FAM107B: variants seen among roughly 807,000 people sequenced by gnomAD.
FAM107B encodes the protein protein FAM107B.
In FAM107B, 21 loss-of-function variants were observed where a neutral mutation model predicts 31.5. The ratio of observed to expected loss-of-function variants is 0.67; its 90% CI spans 0.47 to 0.96. The LOEUF (loss-of-function observed/expected upper bound fraction) is 0.96. FAM107B is among the 40% of genes least tolerant of loss of function. The probability of loss-of-function intolerance (pLI) is 0.00; values close to 1 mark genes in which losing one functional copy is unlikely to be tolerated. For missense variants in FAM107B, 452 were observed against 377.1 expected (o/e 1.20, Z -1.64); for synonymous variants, 157 against 141.5 (o/e 1.11, Z -0.78).
rs1855178443 is a variant in FAM107B, at chr10:14,693,004, C to T, written c.412-25313G>A. Among the ~76,000 whole-genome samples, 11 of 152,310 alleles carry T rather than the reference C, an allele frequency of 7.2e-5. 1 individual carries two copies. In the South Asian group the frequency reaches 2.3e-3, roughly 32 times the overall value. ...CAAAAATCGCAGTGATGCGGTCAGC[C>T]TTCACTAGGGTCCTCTGTTACTGCT... On this transcript the variant is annotated intron_variant, in intron 1 of 4. Transcript: ENST00000181796.
intron 2 of FAM107B, among the ~76,000 whole-genome samples, chr10:14,609,997 C>T (rs1280056747): frequency 2.0e-5 from 3 of 152,262 alleles, no homozygotes; most frequent in South Asian, 2.1e-4. Context: ...TCTTCATTGA[C>T]CCCTGATGAC....
At chr10:14,566,112 C>T (rs904455438) in intron 2 of FAM107B, among the ~76,000 whole-genome samples, 1 of 152,188 alleles carries the variant, frequency 6.6e-6, no homozygotes, top group East Asian at 1.9e-4. Context: ...TGTATTTTCA[C>T]TTTGCACTGG....
intron 2 of FAM107B, among the ~76,000 whole-genome samples, chr10:14,533,318 C>T (rs1847233228): frequency 6.6e-6 from 1 of 152,134 alleles, no homozygotes; most frequent in African/African-American, 2.4e-5. Context: ...AAGGACTGGA[C>T]ACGAGGCGTG....
At chr10:14,627,620 T>G (rs556480621) in intron 2 of FAM107B, among the ~76,000 whole-genome samples, 1 of 152,000 alleles carries the variant, frequency 6.6e-6, no homozygotes, top group African/African-American at 2.4e-5. Flanking sequence ...ACAAAGAAAT[T>G]TTAAAAATTA....
chr10:14,547,261 G>A (rs1302479161), intron 2 of FAM107B, among the ~76,000 whole-genome samples: 3 of 152,162 alleles, frequency 2.0e-5, no homozygotes, highest in African/African-American at 4.8e-5. Context: ...CACTAGTAAC[G>A]TATGGCAGAG....
chr10:14,774,449 G>A lies in FAM107B; in HGVS notation c.215C>T (p.Ala72Val), dbSNP rs11259332. The change falls in exon 1 of 5, where the codon GCT becomes GTT. Residue 72 changes from alanine (A) to valine (V), a missense_variant. By Grantham distance (64) the Ala-to-Val change is moderately conservative. Coordinates refer to ENST00000181796, the MANE Select transcript of FAM107B (RefSeq NM_031453.4). ...RQPRHPSAEG[A>V]PEKRQDSSTH... Reference sequence around the variant, plus strand: ...GCTCGAATCTTGCCTTTTCTCTGGAGCTCCTTCTGCGCTTGGGTGTCTTGG... The same window carrying A: ...GCTCGAATCTTGCCTTTTCTCTGGAACTCCTTCTGCGCTTGGGTGTCTTGG... 24,274 of 1,614,178 alleles carry A rather than the reference G, an allele frequency of 0.015. 1,642 individuals carry two copies. In the East Asian group the frequency reaches 0.24, roughly 16 times the overall value.
Position 14,644,748 on chromosome 10 carries a change from G to A in FAM107B, c.469+22886C>T, listed in dbSNP as rs1025398572. Among the ~76,000 whole-genome samples the A allele has an allele frequency of 3.9e-5, 6 of 152,318 alleles. No individual in the cohort carries two copies. The East Asian group carries it at 1.2e-3, about 29-fold the overall frequency. On this transcript the variant is annotated intron_variant, in intron 2 of 4. Transcript: ENST00000181796. Reference sequence around the variant, plus strand: ...GCATTATGAAGAATGCCACACAAATGCAAGTATTGGTATGAGTGTGCTTAC... The same window carrying A: ...GCATTATGAAGAATGCCACACAAATACAAGTATTGGTATGAGTGTGCTTAC...
chr10:14,744,593 A>G (rs563945741), intron 1 of FAM107B, among the ~76,000 whole-genome samples: 1 of 152,220 alleles, frequency 6.6e-6, no homozygotes, highest in East Asian at 1.9e-4. Flanking sequence ...TTCTGTGTCT[A>G]TTGTGATAAT....
At chr10:14,771,296 G>A (rs559613765) in intron 1 of FAM107B, among the ~76,000 whole-genome samples, 8 of 152,290 alleles carry the variant, frequency 5.3e-5, no homozygotes, top group Non-Finnish European at 1.0e-4. Flanking sequence ...AGCTATGGTA[G>A]AAAAGGGTAA....
intron 1 of FAM107B, among the ~76,000 whole-genome samples, chr10:14,691,891 C>CGCAAAAAA (rs765508071): frequency 9.7e-6 from 1 of 103,344 alleles, no homozygotes; most frequent in Non-Finnish European, 1.7e-5. Flanking sequence ...GAGACTCTGT[C>CGCAAAAAA]ACAAAAAAAA....
rs139691117 is a variant in FAM107B, at chr10:14,661,972, A to G, written c.469+5662T>C. Among the ~76,000 whole-genome samples, 537 of 152,278 alleles carry G rather than the reference A, an allele frequency of 3.5e-3. 12 individuals carry two copies. The East Asian group carries it at 0.049, about 14-fold the overall frequency. ...GTAAAGGATCTTTGTTTTAGTCTCT[A>G]TTATCAGAACAGCATCCTGACCACA... On this transcript the variant is annotated intron_variant, in intron 2 of 4. Transcript: ENST00000181796.
intron 1 of FAM107B, among the ~76,000 whole-genome samples, chr10:14,691,756 T>C (rs1386598420): frequency 6.6e-6 from 1 of 151,848 alleles, no homozygotes; most frequent in Non-Finnish European, 1.5e-5. Flanking sequence ...TAGCCAGGCA[T>C]GGTGGCAGGT....
intron 1 of FAM107B, among the ~76,000 whole-genome samples, chr10:14,668,558 G>C (rs1854465567): frequency 6.6e-6 from 1 of 152,206 alleles, no homozygotes. Flanking sequence ...CCGTGACACT[G>C]ATAAAAGTAG....
chr10:14,568,808 G>C (rs940209628), intron 2 of FAM107B, among the ~76,000 whole-genome samples: 1 of 151,184 alleles, frequency 6.6e-6, no homozygotes. Flanking sequence ...GAGAGGGTGG[G>C]GTGGAAGGGG....
At chr10:14,593,831 T>C (rs541464643) in intron 2 of FAM107B, among the ~76,000 whole-genome samples, 1 of 152,332 alleles carries the variant, frequency 6.6e-6, no homozygotes, top group African/African-American at 2.4e-5. Flanking sequence ...AGAACTCCTC[T>C]GCAATACAAA....
At chr10:14,566,708 C>G (rs909350624) in intron 2 of FAM107B, among the ~76,000 whole-genome samples, 21 of 152,294 alleles carry the variant, frequency 1.4e-4, no homozygotes, top group African/African-American at 3.8e-4. Flanking sequence ...AACATGCTCT[C>G]AAAATGTTTC....
intron 2 of FAM107B, among the ~76,000 whole-genome samples, chr10:14,629,315 TA>T (rs1163572862): frequency 1.6e-4 from 15 of 95,840 alleles, no homozygotes; most frequent in East Asian, 3.9e-4. Context: ...ATAATATATA[TA>T]ATATATAAAT....
At chr10:14,560,486 G>A (rs1850147249) in intron 2 of FAM107B, among the ~76,000 whole-genome samples, 1 of 152,208 alleles carries the variant, frequency 6.6e-6, no homozygotes, top group Non-Finnish European at 1.5e-5. Flanking sequence ...GAGCACCAAT[G>A]GCCTGCAGGT....
At chr10:14,540,719 TA>T (rs1481987385) in intron 2 of FAM107B, among the ~76,000 whole-genome samples, 1 of 152,226 alleles carries the variant, frequency 6.6e-6, no homozygotes, top group African/African-American at 2.4e-5. Context: ...TGTGTGGAGA[TA>T]GTTCCTGACT....
Sources: allele counts gnomAD v4.1 joint callset (sites outside exome capture counted in the v4.1 genomes callset), GRCh38; gene constraint gnomAD v4.1.1; transcripts MANE v1.5; gene names NCBI Gene and HGNC (gene_info 2026-07-23, HGNC 2026-07-21).